ATXN8OS: variants seen among roughly 807,000 people sequenced by gnomAD.
ATXN8OS encodes the protein ATXN8 opposite strand (non-protein coding).
intron 2 of ATXN8OS, among the ~76,000 whole-genome samples, chr13:70,123,714 T>C (rs548728493): frequency 6.6e-6 from 1 of 152,046 alleles, no homozygotes; most frequent in Non-Finnish European, 1.5e-5. Flanking sequence ...AAAATACATA[T>C]CAAAAAGAGA....
chr13:70,141,371 T>G (rs1467950281), intron 3 of ATXN8OS, among the ~76,000 whole-genome samples: 1 of 152,212 alleles, frequency 6.6e-6, no homozygotes, highest in Non-Finnish European at 1.5e-5. Context: ...CCCCTACAGA[T>G]TCTTACCATA....
chr13:70,164,678 A>G (rs1183188649), intron 4 of ATXN8OS, among the ~76,000 whole-genome samples: 2 of 152,014 alleles, frequency 1.3e-5, no homozygotes, highest in Non-Finnish European at 2.9e-5. Flanking sequence ...ATTAACCTGC[A>G]CAAGAATGCC....
chr13:70,129,053 T>C (rs1474898799), intron 2 of ATXN8OS, among the ~76,000 whole-genome samples: 1 of 151,876 alleles, frequency 6.6e-6, no homozygotes, highest in Admixed American at 6.6e-5. Context: ...AGAGACAGGG[T>C]TTCACCATGT....
chr13:70,140,240 G>T (rs532680763), intron 3 of ATXN8OS, among the ~76,000 whole-genome samples: 4 of 151,920 alleles, frequency 2.6e-5, no homozygotes, highest in Non-Finnish European at 5.9e-5. Context: ...TATGACCAAA[G>T]TGTTCCTCTG....
intron 4 of ATXN8OS, among the ~76,000 whole-genome samples, chr13:70,168,982 T>G (rs776088126): frequency 6.6e-6 from 1 of 152,162 alleles, no homozygotes; most frequent in Non-Finnish European, 1.5e-5. Flanking sequence ...GAAGAAATTG[T>G]AAACCAGTAA....
intron 4 of ATXN8OS, among the ~76,000 whole-genome samples, chr13:70,150,350 G>GTGA (rs547264547): frequency 6.6e-6 from 1 of 152,068 alleles, no homozygotes; most frequent in African/African-American, 2.4e-5. Context: ...TTTGAAGACA[G>GTGA]TGATGAGCTT....
At chr13:70,156,135 CA>C (rs113157212) in intron 4 of ATXN8OS, among the ~76,000 whole-genome samples, 4 of 151,500 alleles carry the variant, frequency 2.6e-5, no homozygotes, top group South Asian at 2.1e-4. Flanking sequence ...TGCAATAATA[CA>C]AAAAAAATGA....
intron 2 of ATXN8OS, among the ~76,000 whole-genome samples, chr13:70,123,799 C>T (rs892221175): frequency 1.3e-5 from 2 of 152,012 alleles, no homozygotes; most frequent in African/African-American, 2.4e-5. Context: ...CTGAGGTTGT[C>T]ACCAAGGATC....
At chr13:70,155,815 A>T (rs1888928816) in intron 4 of ATXN8OS, among the ~76,000 whole-genome samples, 1 of 151,714 alleles carries the variant, frequency 6.6e-6, no homozygotes, top group South Asian at 2.1e-4. Context: ...AAATGAAAAG[A>T]AAAAAAGGAT....
chr13:70,140,274 G>A (rs1888692474), intron 3 of ATXN8OS, among the ~76,000 whole-genome samples: 1 of 151,884 alleles, frequency 6.6e-6, no homozygotes. Flanking sequence ...ATTTATTTTT[G>A]TATTTTCTGA....
chr13:70,144,178 T>G (rs1888751670), intron 3 of ATXN8OS, among the ~76,000 whole-genome samples: 2 of 152,158 alleles, frequency 1.3e-5, no homozygotes, highest in Admixed American at 6.5e-5. Context: ...GGCTTTCACA[T>G]TCTTCATCCC....
chr13:70,150,280 G>C (rs1888844101), intron 4 of ATXN8OS, among the ~76,000 whole-genome samples: 1 of 152,072 alleles, frequency 6.6e-6, no homozygotes, highest in Admixed American at 6.6e-5. Flanking sequence ...ATAATATCAA[G>C]AGTGGAGATT....
rs373717325 is a variant in ATXN8OS, at chr13:70,169,208, G to A, written n.574-545G>A. On this transcript the variant is annotated intron_variant and non_coding_transcript_variant, in intron 4 of 4. Coordinates refer to ENST00000678624, the Ensembl canonical transcript of ATXN8OS. The stretch of plus-strand genomic sequence containing the variant: ...GTACATTAAAAATGTTTTAGAAAGT[G>A]TAAGGTAATAAATAGCTGCATTATT... Among the ~76,000 whole-genome samples the A allele has an allele frequency of 1.9e-4, 29 of 152,244 alleles. 1 individual carries two copies. In the South Asian group the frequency reaches 4.1e-3, roughly 22 times the overall value.
intron 3 of ATXN8OS, among the ~76,000 whole-genome samples, chr13:70,147,325 G>T (rs1409251004): frequency 2.6e-5 from 4 of 152,132 alleles, no homozygotes; most frequent in South Asian, 2.1e-4. Flanking sequence ...AAAGGACTTT[G>T]ACTAATTGGA....
chr13:70,112,447 G>A (rs1888210381), intron 1 of ATXN8OS, among the ~76,000 whole-genome samples: 2 of 151,936 alleles, frequency 1.3e-5, no homozygotes, highest in African/African-American at 2.4e-5. Context: ...ATATCATATA[G>A]CACTAATGCT....
At chr13:70,119,389 A>T (rs546582805) in intron 2 of ATXN8OS, among the ~76,000 whole-genome samples, 1 of 152,100 alleles carries the variant, frequency 6.6e-6, no homozygotes, top group Non-Finnish European at 1.5e-5. Context: ...ATAACTCTTA[A>T]AGTTGCTTAC....
chr13:70,107,472 G>T (rs1400154515), upstream of ATXN8OS: 1 of 1,613,996 alleles, frequency 6.2e-7, no homozygotes, highest in African/African-American at 1.3e-5. Flanking sequence ...ACGATGAAGA[G>T]GAAGAGGAGG....
intron 2 of ATXN8OS, among the ~76,000 whole-genome samples, chr13:70,128,828 C>CCAA (rs201345801): frequency 4.0e-5 from 6 of 150,430 alleles, no homozygotes; most frequent in East Asian, 2.0e-4. Context: ...CTAGATTTGG[C>CCAA]CAACAACAAC....
intron 4 of ATXN8OS, among the ~76,000 whole-genome samples, chr13:70,168,525 C>T (rs962222434): frequency 5.9e-5 from 9 of 151,786 alleles, no homozygotes; most frequent in Admixed American, 4.6e-4. Flanking sequence ...GCCACTGCCC[C>T]GCCCCACGCA....
Sources: gnomAD v4.1 joint callset for allele counts (sites outside exome capture counted in the v4.1 genomes callset) on GRCh38, gnomAD v4.1.1 for gene constraint, MANE v1.5 for transcripts, NCBI Gene and HGNC (gene_info 2026-07-23, HGNC 2026-07-21) for gene names.